The following ATAD3C variants were observed in gnomAD, a reference collection of about 807,000 sequenced individuals.
ATAD3C encodes ATPase family AAA domain containing 3C.
A neutral mutation model predicts 46.3 loss-of-function variants in ATAD3C; 38 were observed. The observed-to-expected ratio is 0.82, with a 90% confidence interval of 0.63 to 1.08. ATAD3C has a LOEUF of 1.08. ATAD3C is among the 50% of genes least tolerant of loss of function. ATAD3C has a pLI of 0.00. For synonymous variants in ATAD3C, 220 were observed against 236.4 expected, an observed-to-expected ratio of 0.93 and a Z score of 0.63; for missense variants, 563 against 572.7, an observed-to-expected ratio of 0.98 and a Z score of 0.17.
chr1:1,454,275 C>G, intron 3 of ATAD3C, 70 bp from the exon 4 acceptor site: 1 of 1,523,242 alleles, frequency 6.6e-7, no homozygotes, highest in Non-Finnish European at 8.8e-7. Context: ...GGGGGCAGCC[C>G]CGTGCGTCTC....
At chr1:1,464,513 G>T (rs778589931) in intron 11 of ATAD3C, among the ~76,000 whole-genome samples, 12 of 152,078 alleles carry the variant, frequency 7.9e-5, no homozygotes, top group Non-Finnish European at 1.5e-4. Flanking sequence ...GCTCACGCCT[G>T]TAATCCCAGC....
Position 1,459,352 on chromosome 1 carries a change from C to T in ATAD3C, c.812+121C>T, listed in dbSNP as rs1013485406. 2.8e-5 allele frequency: 43 copies of T among 1,550,658 alleles called. No individual in the cohort carries two copies. Among genetic ancestry groups the T allele is most frequent in the East Asian group, 1.2e-4 (5 of 42,626 alleles). On this transcript the variant is annotated intron_variant, in intron 9 of 11. Coordinates refer to ENST00000378785, the MANE Select transcript of ATAD3C (RefSeq NM_001039211.3). The surrounding 1 kb of genome is among the most constrained non-coding windows in gnomAD (Gnocchi z 4.9). ...TGCTGGGCAGCTGCCGTGGCCTCAA[C>T]GTGCCCACCTTGGATGTCCCCTGGG...
At chr1:1,451,595 G>A (rs374272368) in intron 1 of ATAD3C, among the ~76,000 whole-genome samples, 3 of 151,608 alleles carry the variant, frequency 2.0e-5, no homozygotes, top group South Asian at 2.1e-4. Context: ...GATCACCTGC[G>A]TCGGCCTCCC....
rs945109593 is a variant in ATAD3C, at chr1:1,459,055, C to G, written c.742-106C>G. 6.4e-7 allele frequency: 1 copy of G among 1,561,574 alleles called. No homozygotes were observed. On this transcript the variant is annotated intron_variant, in intron 8 of 11. Coordinates refer to ENST00000378785, the MANE Select transcript of ATAD3C (RefSeq NM_001039211.3). The surrounding 1 kb of genome is among the most constrained non-coding windows in gnomAD (Gnocchi z 4.9). Reference sequence around the variant, plus strand: ...TTTGAGTCTAGATCCGTGAAAGTGTCGCCATGTCCCTGCTCCCTGCAGGAG... The same window carrying G: ...TTTGAGTCTAGATCCGTGAAAGTGTGGCCATGTCCCTGCTCCCTGCAGGAG...
At chr1:1,464,927 C>T (rs192314128) in intron 11 of ATAD3C, among the ~76,000 whole-genome samples, 84 of 151,920 alleles carry the variant, frequency 5.5e-4, no homozygotes, top group Non-Finnish European at 9.7e-4. Flanking sequence ...GCTCTGTCGC[C>T]CAGGCTGGAG....
At position 1,463,762 on chromosome 1, in the gene ATAD3C, A is replaced by G. The variant is rs563434340; in HGVS notation, c.1089+1054A>G. ...CCCATCTCTACAAAAAATAAAAAAA[A>G]TTAGCTAGACCTAGTGGTGCATACC... On this transcript the variant is annotated intron_variant, in intron 11 of 11. Coordinates refer to ENST00000378785, the MANE Select transcript of ATAD3C (RefSeq NM_001039211.3). 7.2e-5 allele frequency among the ~76,000 whole-genome samples: 11 copies of G among 151,984 alleles called. No homozygotes were observed. In the South Asian group the frequency reaches 2.3e-3, roughly 32 times the overall value.
Position 1,456,230 on chromosome 1 carries a change from C to T in ATAD3C, c.570C>T (p.Leu190=), listed in dbSNP as rs1368847865. 1.1e-5 allele frequency: 16 copies of T among 1,494,746 alleles called. No homozygotes were observed. The highest frequency in any genetic ancestry group is 6.5e-5 in the African/African-American group (3 of 46,038). 92.6% of individuals were successfully genotyped at this position (1,494,746 alleles called of 1,614,324 possible). Residue 190 remains leucine, a synonymous_variant, in exon 7 of 12, where the codon CTC becomes CTT. Coordinates refer to ENST00000378785, the MANE Select transcript of ATAD3C (RefSeq NM_001039211.3). ...GTGKTLFAKK[L]ALHSGMDYAI... ...CCCTCACTCTTCTTGTCCAGAAACT[C>T]GCCCTGCACTCAGGCATGGACTACG...
Position 1,453,398 on chromosome 1 carries a change from C to T in ATAD3C, c.223-947C>T, listed in dbSNP as rs776131843. Among the ~76,000 whole-genome samples, 136 of 151,954 alleles carry T rather than the reference C, an allele frequency of 9.0e-4. 4 individuals carry two copies. The highest frequency in any genetic ancestry group is 1.8e-4 in the Non-Finnish European group (12 of 67,954). Reference sequence around the variant, plus strand: ...TTCTATTTTGGTGGAGACAGGGTTACACCCTGTTGGCCAGGATGGTCTCGA... The same window carrying T: ...TTCTATTTTGGTGGAGACAGGGTTATACCCTGTTGGCCAGGATGGTCTCGA... On this transcript the variant is annotated intron_variant, in intron 3 of 11. Coordinates refer to ENST00000378785, the MANE Select transcript of ATAD3C (RefSeq NM_001039211.3).
chr1:1,451,454 C>G (rs1032882170), intron 1 of ATAD3C, among the ~76,000 whole-genome samples: 1 of 152,050 alleles, frequency 6.6e-6, no homozygotes, highest in African/African-American at 2.4e-5. Context: ...TCAAGCCATT[C>G]TCCTGCCTCA....
rs1639019695 is a variant in ATAD3C, at chr1:1,459,317, T to C, written c.812+86T>C. The C allele has an allele frequency of 3.9e-5, 62 of 1,597,390 alleles. No individual in the cohort carries two copies. In the South Asian group the frequency reaches 6.4e-4, roughly 16 times the overall value. ...TCCCACCGAGGGACCTGAGGGGCCC[T>C]GGCTCACAGTGCTGGGCAGCTGCCG... On this transcript the variant is annotated intron_variant, in intron 9 of 11. Coordinates refer to ENST00000378785, the MANE Select transcript of ATAD3C (RefSeq NM_001039211.3). This position sits in a 1 kb window ranked among gnomAD's most constrained non-coding sequence, Gnocchi z 4.9.
Position 1,460,934 on chromosome 1 carries a change from A to C in ATAD3C, c.980+17A>C, listed in dbSNP as rs781567690. 6.3e-7 allele frequency: 1 copy of C among 1,591,382 alleles called. No homozygotes were observed. Among genetic ancestry groups the C allele is most frequent in the South Asian group, 1.1e-5 (1 of 87,188 alleles). ...AGGAAAGCGGTAAGTGTCCCGCCCC[A>C]CCAGCCCCCGTCCAGGGGCCCTCGC... On this transcript the variant is annotated intron_variant, in intron 10 of 11. Transcript: ENST00000378785.
chr1:1,451,969 G>A (rs532640633), intron 1 of ATAD3C, 77 bp from the exon 2 acceptor site: 20 of 1,574,324 alleles, frequency 1.3e-5, no homozygotes, highest in African/African-American at 1.1e-4. Context: ...GTCCTGGGGC[G>A]GACGCAACCT....
At chr1:1,451,596 T>G (rs1557775758) in intron 1 of ATAD3C, among the ~76,000 whole-genome samples, 1 of 152,098 alleles carries the variant, frequency 6.6e-6, no homozygotes, top group Non-Finnish European at 1.5e-5. Flanking sequence ...ATCACCTGCG[T>G]CGGCCTCCCA....
chr1:1,458,323 G>A (rs1639001194), intron 8 of ATAD3C, among the ~76,000 whole-genome samples: 2 of 151,592 alleles, frequency 1.3e-5, no homozygotes, highest in South Asian at 2.1e-4. Context: ...CGCCCAGGCT[G>A]GAGTGCAATG....
At chr1:1,456,444 C>T in intron 7 of ATAD3C, 95 bp downstream of exon 7, 1 of 680,962 alleles carries the variant, frequency 1.5e-6, no homozygotes, top group Non-Finnish European at 2.1e-6. Flanking sequence ...GGGACCCTGT[C>T]TTTCTGCAGC....
chr1:1,457,623 A>AAAAAAAAAAAAAC (rs1638988587), intron 8 of ATAD3C, among the ~76,000 whole-genome samples: 1 of 149,932 alleles, frequency 6.7e-6, no homozygotes, highest in Admixed American at 6.7e-5. Flanking sequence ...AACAAAAAAA[A>AAAAAAAAAAAAAC]CAGCATTTTT....
At chr1:1,456,439 C>A in intron 7 of ATAD3C, 90 bp downstream of exon 7, 1 of 692,138 alleles carries the variant, frequency 1.4e-6, no homozygotes, top group Admixed American at 3.7e-5. Flanking sequence ...TCTTGGGGAC[C>A]CTGTCTTTCT....
At position 1,460,832 on chromosome 1, in the gene ATAD3C, G is replaced by C. The variant is rs771059367; in HGVS notation, c.895G>C (p.Asp299His). Residue 299 changes from aspartate to histidine, a missense_variant, in exon 10 of 12, where the codon GAC becomes CAC. Coordinates refer to ENST00000378785, the MANE Select transcript of ATAD3C (RefSeq NM_001039211.3). ...CTGCATCGACGTGATGGTCCACTTC[G>C]ACCTGCCAGGGCAGGAGGAGCGGGC... Reference protein sequence around the residue: ...NACIDVMVHFDLPGQEERARL... With the variant: ...NACIDVMVHFHLPGQEERARL... The C allele has an allele frequency of 6.2e-7, 1 of 1,613,048 alleles. No homozygotes were observed. Among genetic ancestry groups the C allele is most frequent in the South Asian group, 1.1e-5 (1 of 90,930 alleles).
chr1:1,465,589 TAAA>T (rs1156747431), intron 11 of ATAD3C, among the ~76,000 whole-genome samples: 2,662 of 110,444 alleles, frequency 0.024, 115 homozygotes, highest in African/African-American at 0.086. Flanking sequence ...AGACTGTCTT[TAAA>T]AAAAAAAAAA....
Sources: gnomAD v4.1 joint callset for allele counts (sites outside exome capture counted in the v4.1 genomes callset) on GRCh38, gnomAD v4.1.1 for gene constraint, Gnocchi (gnomAD v3.1) non-coding constraint, MANE v1.5 for transcripts, NCBI Gene and HGNC (gene_info 2026-07-23, HGNC 2026-07-21) for gene names.